GINS4: variants seen among roughly 807,000 people sequenced by gnomAD.
The protein encoded by GINS4 is GINS complex subunit 4.
A neutral mutation model predicts 31.1 loss-of-function variants in GINS4; 20 were observed. That is an observed-to-expected ratio of 0.64 (90% CI 0.45 to 0.93). GINS4 has a LOEUF of 0.93. Ranked by LOEUF, GINS4 falls within the 40% of genes least tolerant of loss-of-function variation. The pLI is 0.00. For synonymous variants in GINS4, 85 were observed against 97.9 expected (o/e 0.87, Z 0.78); for missense variants, 245 against 273.9 (o/e 0.89, Z 0.75).
chr8:41,535,617 T>A (rs1207411848), intron 2 of GINS4, among the ~76,000 whole-genome samples: 1 of 152,166 alleles, frequency 6.6e-6, no homozygotes, highest in African/African-American at 2.4e-5. Context: ...CTGGTCAGCA[T>A]ATAATTCTGA....
At position 41,536,446 on chromosome 8, in the gene GINS4, G is replaced by T. The variant is rs746118388; in HGVS notation, c.183G>T (p.Met61Ile). The change falls in exon 3 of 8, where the codon ATG becomes ATT. Residue 61 changes from methionine to isoleucine, a missense_variant and splice_region_variant. Coordinates refer to ENST00000276533, the MANE Select transcript of GINS4 (RefSeq NM_032336.3). The stretch of plus-strand genomic sequence containing the variant: ...GTGTCATGGAACAGCTGGAGCACAT[G>T]GTAAGAGTCGCTTGTCTTGGGTTGA... ...VECVMEQLEH[M>I]EENLRRAKRE... 1.3e-6 allele frequency: 2 copies of T among 1,589,060 alleles called. No individual in the cohort carries two copies. Among genetic ancestry groups the T allele is most frequent in the South Asian group, 2.2e-5 (2 of 90,626 alleles).
At chr8:41,537,407 G>T in intron 4 of GINS4, 114 bp downstream of exon 4, 2 of 672,066 alleles carry the variant, frequency 3.0e-6, no homozygotes, top group Non-Finnish European at 5.3e-6. Context: ...TGAAGATGCT[G>T]CTAAGAGCCC....
chr8:41,529,885 C>T (rs1806624746), intron 1 of GINS4: 1 of 225,938 alleles, frequency 4.4e-6, no homozygotes, highest in South Asian at 7.8e-5. Flanking sequence ...CCCTGAGGAA[C>T]AAGACCTCTA....
At chr8:41,541,311 T>G (rs1806837322) in intron 6 of GINS4, among the ~76,000 whole-genome samples, 1 of 152,094 alleles carries the variant, frequency 6.6e-6, no homozygotes, top group African/African-American at 2.4e-5. Flanking sequence ...TGGCCTCAAT[T>G]GATCCTCCAG....
intron 4 of GINS4, chr8:41,537,992 GC>G (rs1207959861): frequency 6.7e-6 from 1 of 150,004 alleles, no homozygotes; most frequent in East Asian, 1.9e-4. Flanking sequence ...CTGCACTCCA[GC>G]CTGGGCAACA....
In GINS4 at chr8:41,542,235, T is replaced by C; in HGVS notation, c.*148T>C. 1 of 637,496 alleles carries C rather than the reference T, an allele frequency of 1.6e-6. No individual in the cohort carries two copies. Among genetic ancestry groups the C allele is most frequent in the Non-Finnish European group, 2.8e-6 (1 of 351,760 alleles). The allele number at this position is 637,496 out of a possible 1,614,324, so 39.5% of individuals were successfully genotyped here. A position where few individuals can be genotyped will look rare whatever the true frequency, so the allele number is the denominator to read the frequency against. ...ATCTTTACTAAAAATACAAAATAAT[T>C]AGCCGGGTGTTGGTGGTGTGCACCT... On this transcript the variant is annotated 3_prime_UTR_variant, in exon 8 of 8. Coordinates refer to ENST00000276533, the MANE Select transcript of GINS4 (RefSeq NM_032336.3).
At chr8:41,539,796 C>T (rs770394312) in intron 5 of GINS4, 21 bp downstream of exon 5, 6 of 1,603,110 alleles carry the variant, frequency 3.7e-6, no homozygotes, top group Middle Eastern at 1.7e-4. Flanking sequence ...GAGCCGTTGG[C>T]GTGGGGCACC....
chr8:41,540,057 G>A, intron 6 of GINS4, 53 bp downstream of exon 6: 1 of 1,206,430 alleles, frequency 8.3e-7, no homozygotes, highest in Admixed American at 1.7e-5. Context: ...GGTGTCCCAG[G>A]GTAGGATCCT....
intron 2 of GINS4, chr8:41,534,223 G>A (rs755046787): frequency 3.3e-5 from 14 of 418,236 alleles, no homozygotes; most frequent in South Asian, 2.5e-4. Flanking sequence ...AGGCAACATG[G>A]TAAAACCCCA....
At chr8:41,530,756 T>A (rs1425801931) in intron 2 of GINS4, among the ~76,000 whole-genome samples, 1 of 152,036 alleles carries the variant, frequency 6.6e-6, no homozygotes, top group Non-Finnish European at 1.5e-5. Flanking sequence ...CCACTGCTTA[T>A]CTAAAATCCT....
rs528679418 is a variant in GINS4 at position 41,535,801 on chromosome 8, C to T, written c.97-559C>T. Among the ~76,000 whole-genome samples the T allele has an allele frequency of 1.3e-4, 20 of 152,212 alleles. No individual in the cohort carries two copies. The South Asian group carries it at 3.1e-3, about 24-fold the overall frequency. On this transcript the variant is annotated intron_variant, in intron 2 of 7. Coordinates refer to ENST00000276533, the MANE Select transcript of GINS4 (RefSeq NM_032336.3). ...GCTCCAAAACTCCATAATAGATGAG[C>T]GCCTGTTTCTATTATGATCCTGTAT...
rs1806868556 is a variant in GINS4 at position 41,542,894 on chromosome 8, C to G, written c.*807C>G. The G allele has an allele frequency of 6.6e-6, 1 of 152,232 alleles. No homozygotes were observed. The highest frequency in any genetic ancestry group is 1.5e-5 in the Non-Finnish European group (1 of 68,062). The allele number at this position is 152,232 out of a possible 1,614,324, so 9.4% of individuals were successfully genotyped here. On this transcript the variant is annotated 3_prime_UTR_variant, in exon 8 of 8. Coordinates refer to ENST00000276533, the MANE Select transcript of GINS4 (RefSeq NM_032336.3). ...AGATGGGGCCATTGTACTGTTTGTTCTGCACACTTGGCGGAGCAGCAGAGG... is the reference window on the plus strand; with the variant it reads ...AGATGGGGCCATTGTACTGTTTGTTGTGCACACTTGGCGGAGCAGCAGAGG...
chr8:41,536,162 C>T (rs1176715198), intron 2 of GINS4, among the ~76,000 whole-genome samples, 198 bp from the exon 3 acceptor site: 1 of 152,170 alleles, frequency 6.6e-6, no homozygotes, highest in African/African-American at 2.4e-5. Flanking sequence ...GTGAACACAG[C>T]CTCCCAACTA....
intron 6 of GINS4, chr8:41,540,267 T>G (rs1004810953): frequency 7.9e-6 from 4 of 508,950 alleles, no homozygotes; most frequent in African/African-American, 7.7e-5. Flanking sequence ...TGGAGCCGCG[T>G]TCGCCTTCAG....
At chr8:41,537,124 C>T (rs1806752037) in intron 3 of GINS4, 56 bp from the exon 4 acceptor site, 9 of 1,123,566 alleles carry the variant, frequency 8.0e-6, no homozygotes, top group Non-Finnish European at 1.1e-5. Flanking sequence ...TCAACGTTGC[C>T]GGTGATGATG....
In GINS4 at chr8:41,543,329, C is replaced by A. The variant is rs1806876607; in HGVS notation, c.*1242C>A. On this transcript the variant is annotated 3_prime_UTR_variant, in exon 8 of 8. Transcript: ENST00000276533. ...TGTTAACCCGCAGCCCTCCCCAACT[C>A]TCCAGCAGCTTTGCCAAGTCAGCCT... 6.6e-6 allele frequency: 1 copy of A among 152,254 alleles called. No homozygotes were observed. The highest frequency in any genetic ancestry group is 1.5e-5 in the Non-Finnish European group (1 of 68,054). 9.4% of individuals were successfully genotyped at this position (152,254 alleles called of 1,614,324 possible). A position where few individuals can be genotyped will look rare whatever the true frequency, so the allele number is the denominator to read the frequency against.
Position 41,543,641 on chromosome 8 carries a change from G to A in GINS4, c.*1554G>A, listed in dbSNP as rs1161987772. 6.6e-6 allele frequency: 1 copy of A among 152,122 alleles called. No homozygotes were observed. Among genetic ancestry groups the A allele is most frequent in the African/African-American group, 2.4e-5 (1 of 41,414 alleles). The allele number at this position is 152,122 out of a possible 1,614,324, so 9.4% of individuals were successfully genotyped here. On this transcript the variant is annotated 3_prime_UTR_variant, in exon 8 of 8. Transcript: ENST00000276533. ...CATTTGCAGGGTATGGGCTGCGAGAGTAATCAGGGTAACATTGCTGTCATT... is the reference window on the plus strand; with the variant it reads ...CATTTGCAGGGTATGGGCTGCGAGAATAATCAGGGTAACATTGCTGTCATT...
chr8:41,544,007 T>G lies in GINS4; in HGVS notation c.*1920T>G, dbSNP rs998915606. The G allele has an allele frequency of 6.6e-6, 1 of 152,150 alleles. No homozygotes were observed. The highest frequency in any genetic ancestry group is 1.5e-5 in the Non-Finnish European group (1 of 68,064). 9.4% of individuals were successfully genotyped at this position (152,150 alleles called of 1,614,324 possible). A position where few individuals can be genotyped will look rare whatever the true frequency, so the allele number is the denominator to read the frequency against. ...TAGGCGTGAGCCACTGCGCACGGCC[T>G]GGGGAGGTTTTATTTCTTGACAAAG... is the stretch of plus-strand genomic sequence containing the variant. On this transcript the variant is annotated 3_prime_UTR_variant, in exon 8 of 8. Transcript: ENST00000276533.
intron 3 of GINS4, 66 bp downstream of exon 3, chr8:41,536,512 A>C: frequency 2.1e-6 from 2 of 932,320 alleles, no homozygotes; most frequent in South Asian, 2.9e-5. Flanking sequence ...CAGCACACTG[A>C]GAGCTTGTGG....
Sources: allele counts gnomAD v4.1 joint callset (sites outside exome capture counted in the v4.1 genomes callset), GRCh38; gene constraint gnomAD v4.1.1; transcripts MANE v1.5; gene names NCBI Gene and HGNC (gene_info 2026-07-23, HGNC 2026-07-21).